Variants in ADAMTS13 observed in about 807,000 individuals in gnomAD.
ADAMTS13 encodes ADAM metallopeptidase with thrombospondin type 1 motif 13, also known as A disintegrin and metalloproteinase with thrombospondin motifs 13.
A neutral mutation model predicts 155.1 loss-of-function variants in ADAMTS13; 110 were observed. The ratio of observed to expected loss-of-function variants is 0.71; its 90% CI spans 0.61 to 0.83. The LOEUF is 0.83. ADAMTS13 is among the 40% of genes least tolerant of loss of function. ADAMTS13 has a pLI of 0.00. For synonymous variants in ADAMTS13, 758 were observed against 756.4 expected (o/e 1.00, Z -0.03); for missense variants, 1,707 against 1,891.7 (o/e 0.90, Z 1.81).
At position 133,425,821 on chromosome 9, in the gene ADAMTS13, C is replaced by T; in HGVS notation, c.415-117C>T. On this transcript the variant is annotated intron_variant, in intron 4 of 28. Coordinates refer to ENST00000355699, the MANE Select transcript of ADAMTS13 (RefSeq NM_139027.6). This position sits in a 1 kb window ranked among gnomAD's most constrained non-coding sequence, Gnocchi z 4.6. ...TTCTCTGAGCCTCAGTTGTCTCATC[C>T]CTAACACGGGCTAGTCATAGGGTTG... is the stretch of plus-strand genomic sequence containing the variant. 6.5e-7 allele frequency: 1 copy of T among 1,529,944 alleles called. No individual in the cohort carries two copies. Among genetic ancestry groups the T allele is most frequent in the Non-Finnish European group, 8.8e-7 (1 of 1,133,974 alleles). 94.8% of individuals were successfully genotyped at this position (1,529,944 alleles called of 1,614,324 possible). A position where few individuals can be genotyped will look rare whatever the true frequency, so the allele number is the denominator to read the frequency against.
intron 11 of ADAMTS13, 127 bp downstream of exon 11, chr9:133,433,831 T>G (rs587739140): frequency 8.6e-7 from 1 of 1,169,336 alleles, no homozygotes; most frequent in East Asian, 2.5e-5. Context: ...TGAGGTGGCT[T>G]ATGCCTGTAA....
Position 133,454,512 on chromosome 9 carries a change from G to A in ADAMTS13, c.3142G>A (p.Val1048Met), listed in dbSNP as rs782585313. Residue 1048 changes from valine to methionine, a missense_variant, in exon 24 of 29, where the codon GTG (valine) becomes ATG (methionine). This residue lies in a region of ADAMTS13 where 961 missense variants were observed against 1,107.9 expected (regional missense o/e 0.87). Transcript: ENST00000355699. ...ACVQLDQGQD[V>M]EVDEAACAAL... ...TGTGCAGCTCGACCAAGGCCAGGAC[G>A]TGGAGGTGGACGAGGCGGCCTGTGC... 2.4e-5 allele frequency: 39 copies of A among 1,611,962 alleles called. No homozygotes were observed. Among genetic ancestry groups the A allele is most frequent in the African/African-American group, 5.3e-5 (4 of 74,948 alleles).
chr9:133,414,607 C>T (rs782315355), exon 1 of ADAMTS13: 16 of 1,493,958 alleles, frequency 1.1e-5, no homozygotes, highest in Non-Finnish European at 1.5e-5. Flanking sequence ...CATAAGGAGA[C>T]AGGCCTTGGT....
upstream of ADAMTS13, chr9:133,417,595 C>G (rs781909872): frequency 2.1e-5 from 33 of 1,608,920 alleles, no homozygotes; most frequent in Middle Eastern, 1.7e-4. Context: ...GCGCAGCGCT[C>G]CGCCCGGGCC....
At chr9:133,431,553 C>T (rs145101873) in intron 8 of ADAMTS13, among the ~76,000 whole-genome samples, 133 of 152,230 alleles carry the variant, frequency 8.7e-4, no homozygotes, top group African/African-American at 3.2e-3. Context: ...GTCTCGAATT[C>T]TGACCTCAGG....
chr9:133,436,776 A>AGGGGCGGGGG, intron 11 of ADAMTS13, 53 bp from the exon 12 acceptor site: 1 of 715,604 alleles, frequency 1.4e-6, no homozygotes, highest in Non-Finnish European at 2.2e-6. Context: ...CCCAGTGACA[A>AGGGGCGGGGG]CACCCGCCCC....
intron 1 of ADAMTS13, chr9:133,415,019 C>T (rs1036996486): frequency 1.3e-6 from 2 of 1,572,034 alleles, no homozygotes; most frequent in Middle Eastern, 1.7e-4. Flanking sequence ...CCACTGGGAC[C>T]CAAAATAAAA....
chr9:133,444,455 C>A (rs1228450628), intron 19 of ADAMTS13, among the ~76,000 whole-genome samples: 1 of 152,066 alleles, frequency 6.6e-6, no homozygotes, highest in Non-Finnish European at 1.5e-5. Context: ...AGCAAGTGTG[C>A]GCCACCAAGC....
chr9:133,416,050 T>C (rs1554781500), intron 1 of ADAMTS13: 1 of 152,256 alleles, frequency 6.6e-6, no homozygotes, highest in Non-Finnish European at 1.5e-5. Flanking sequence ...TGGTAATTTA[T>C]AAAGAAAAAA....
At position 133,443,416 on chromosome 9, in the gene ADAMTS13, G is replaced by A. The variant is rs782640568; in HGVS notation, c.2275G>A (p.Gly759Arg). The A allele has an allele frequency of 6.3e-7, 1 of 1,599,294 alleles. No individual in the cohort carries two copies. The highest frequency in any genetic ancestry group is 8.5e-7 in the Non-Finnish European group (1 of 1,177,712). The change falls in exon 19 of 29, where the codon GGG becomes AGG. Residue 759 changes from glycine to arginine, a missense_variant. Gly to Arg is a moderately radical substitution (Grantham distance 125). Around this residue, in one of 3 missense-constraint regions of ADAMTS13, gnomAD observed 961 missense variants for 1,107.9 expected, o/e 0.87. Transcript: ENST00000355699. ...CTTCGGCCCATGCAGCGCCTCCTGTGGGGGTGGCCTGCGGGAGCGGCCAGT... is the reference window on the plus strand; with the variant it reads ...CTTCGGCCCATGCAGCGCCTCCTGTAGGGGTGGCCTGCGGGAGCGGCCAGT... ...GDFGPCSASC[G>R]GGLRERPVRC...
upstream of ADAMTS13, chr9:133,417,739 T>G: frequency 6.2e-7 from 1 of 1,613,788 alleles, no homozygotes; most frequent in African/African-American, 1.3e-5. Flanking sequence ...TTCCAAAACC[T>G]TTTTTTCTTC....
rs988657119 is a variant in ADAMTS13, at chr9:133,457,294, C to A, written c.3724+575C>A. ...TCCCTAGCTGGTTCCAGAGGTTCCT[C>A]GGCTCCCCCAGGTGTCTGGGGCTTA... On this transcript the variant is annotated intron_variant, in intron 27 of 28. Transcript: ENST00000355699. Among the ~76,000 whole-genome samples, 3 of 152,222 alleles carry A rather than the reference C, an allele frequency of 2.0e-5. No individual in the cohort carries two copies. The East Asian group carries it at 5.8e-4, about 29-fold the overall frequency.
exon 1 of ADAMTS13, chr9:133,414,611 C>A (rs782593208): frequency 6.6e-7 from 1 of 1,511,166 alleles, no homozygotes; most frequent in Non-Finnish European, 9.2e-7. Context: ...AGGAGACAGG[C>A]CTTGGTGAAG....
In ADAMTS13 at chr9:133,456,415, GTTAC is replaced by G. The variant is rs1455240598; in HGVS notation, c.3548-124_3548-121del. ...TAGGAGAGATTAAGTGATGTGCCCA[GTTAC>G]TTAGAGTCACATAGCCAGCAGTGGG... On this transcript the variant is annotated intron_variant, in intron 26 of 28. Transcript: ENST00000355699. This position sits in a 1 kb window ranked among gnomAD's most constrained non-coding sequence, Gnocchi z 4.4. 7.0e-5 allele frequency: 98 copies of G among 1,392,276 alleles called. No individual in the cohort carries two copies. The East Asian group carries it at 1.5e-3, about 21-fold the overall frequency. The allele number at this position is 1,392,276 out of a possible 1,614,324, so 86.2% of individuals were successfully genotyped here.
chr9:133,426,485 G>T (rs1840292171), intron 6 of ADAMTS13, 140 bp downstream of exon 6: 4 of 1,203,976 alleles, frequency 3.3e-6, no homozygotes, highest in Non-Finnish European at 4.7e-6. Context: ...ACAGACTCAG[G>T]TGTGAGGACA....
chr9:133,416,569 A>T (rs1021552859), intron 1 of ADAMTS13, among the ~76,000 whole-genome samples: 11 of 152,216 alleles, frequency 7.2e-5, no homozygotes, highest in Admixed American at 5.2e-4. Context: ...AACAGGAGGT[A>T]GCTCCAAGGG....
Position 133,456,878 on chromosome 9 carries a change from G to T in ADAMTS13, c.3724+159G>T, listed in dbSNP as rs36222901. The T allele has an allele frequency of 1.1e-6, 1 of 924,166 alleles. No homozygotes were observed. Among genetic ancestry groups the T allele is most frequent in the Admixed American group, 2.0e-5 (1 of 50,190 alleles). The allele number at this position is 924,166 out of a possible 1,614,324, so 57.2% of individuals were successfully genotyped here. ...AACTGGGGTTGGCCAGTGTCAGTCT[G>T]CACGTGCCAGGGAGGGGTCACAGGA... is the stretch of plus-strand genomic sequence containing the variant. On this transcript the variant is annotated intron_variant, in intron 27 of 28. Coordinates refer to ENST00000355699, the MANE Select transcript of ADAMTS13 (RefSeq NM_139027.6). This position sits in a 1 kb window ranked among gnomAD's most constrained non-coding sequence, Gnocchi z 4.4.
At position 133,459,051 on chromosome 9, in the gene ADAMTS13, G is replaced by A. The variant is rs781800177; in HGVS notation, c.3987G>A (p.Gln1329=). The A allele has an allele frequency of 6.2e-7, 1 of 1,613,130 alleles. No homozygotes were observed. The highest frequency in any genetic ancestry group is 1.1e-5 in the South Asian group (1 of 91,040). ...QVLYWESESS[Q]AEMEFSEGFL... ...TCTACTGGGAGTCAGAGAGCAGCCA[G>A]GCTGAGATGGAGTTCAGCGAGGGCT... The change falls in exon 29 of 29, where the codon CAG becomes CAA. Residue 1329 remains glutamine, a synonymous_variant. Coordinates refer to ENST00000355699, the MANE Select transcript of ADAMTS13 (RefSeq NM_139027.6).
chr9:133,424,492 G>T lies in ADAMTS13; in HGVS notation c.330+14G>T. 1 of 1,608,342 alleles carries T rather than the reference G, an allele frequency of 6.2e-7. No homozygotes were observed. The highest frequency in any genetic ancestry group is 1.1e-5 in the South Asian group (1 of 90,326). Reference sequence around the variant, plus strand: ...AACCTCAACATCGTGAGTGCCCCACGCTGGACTGTGCAGGTCCCCACGGCC... The same window carrying T: ...AACCTCAACATCGTGAGTGCCCCACTCTGGACTGTGCAGGTCCCCACGGCC... On this transcript the variant is annotated intron_variant, in intron 3 of 28. Coordinates refer to ENST00000355699, the MANE Select transcript of ADAMTS13 (RefSeq NM_139027.6). This position sits in a 1 kb window ranked among gnomAD's most constrained non-coding sequence, Gnocchi z 4.3.
Sources: gnomAD v4.1 joint callset for allele counts (sites outside exome capture counted in the v4.1 genomes callset) on GRCh38, gnomAD v4.1.1 for gene constraint, gnomAD v4.1.1 regional missense constraint, Gnocchi (gnomAD v3.1) non-coding constraint, MANE v1.5 for transcripts, NCBI Gene and HGNC (gene_info 2026-07-23, HGNC 2026-07-21) for gene names.